The following CNKSR2 variants were observed in gnomAD, a reference collection of about 807,000 sequenced individuals.
CNKSR2 encodes the protein CNK homolog protein 2.
Under a neutral mutation model 84.4 loss-of-function variants are expected in CNKSR2, and 14 were observed. The observed-to-expected ratio is 0.17, with a 90% CI of 0.11 to 0.26. The LOEUF is 0.26. Ranked by LOEUF, CNKSR2 falls within the 10% of genes least tolerant of loss-of-function variation. The pLI is 1.00. For synonymous variants in CNKSR2, 275 were observed against 277.9 expected, an observed-to-expected ratio of 0.99 and a Z score of 0.10; for missense variants, 485 against 771.2, an observed-to-expected ratio of 0.63 and a Z score of 4.40.
At chrX:21,580,018 A>G (rs2092344222) in intron 13 of CNKSR2, among the ~76,000 whole-genome samples, 1 of 112,164 alleles carries the variant, frequency 8.9e-6, no homozygotes, top group South Asian at 3.7e-4. Context: ...TGCCATCTAA[A>G]TTGACAGCAT....
intron 10 of CNKSR2, among the ~76,000 whole-genome samples, chrX:21,530,812 A>T (rs2091879225): frequency 9.0e-6 from 1 of 111,038 alleles, no homozygotes; most frequent in Non-Finnish European, 1.9e-5. Flanking sequence ...TCAATTTAAC[A>T]AATCACAAAT....
chrX:21,512,205 A>G (rs2091679560), intron 8 of CNKSR2, among the ~76,000 whole-genome samples: 1 of 111,805 alleles, frequency 8.9e-6, no homozygotes, highest in Non-Finnish European at 1.9e-5. Context: ...TCTATTACAG[A>G]GGTTCTCAAA....
chrX:21,543,237 AGAAAATAGGATTCTACCCATGG>A (rs1569231813), intron 11 of CNKSR2, among the ~76,000 whole-genome samples: 1 of 112,595 alleles, frequency 8.9e-6, no homozygotes, highest in Non-Finnish European at 1.9e-5. Context: ...TGGAGACAAA[AGAAAATAGGATTCTACCCATGG>A]GAAATTTTTG....
intron 13 of CNKSR2, among the ~76,000 whole-genome samples, chrX:21,580,050 G>T (rs1416126063): frequency 8.9e-6 from 1 of 111,968 alleles, no homozygotes; most frequent in Non-Finnish European, 1.9e-5. Flanking sequence ...GATTCCTGCT[G>T]CAAGCGCAGA....
At chrX:21,538,351 T>C (rs2147135787) in intron 11 of CNKSR2, 1 of 112,084 alleles carries the variant, frequency 8.9e-6, no homozygotes, top group South Asian at 3.7e-4. Flanking sequence ...TTTTTCTTAC[T>C]GTTTTTAAAT....
chrX:21,498,441 G>C (rs1419564966), intron 7 of CNKSR2, among the ~76,000 whole-genome samples: 1 of 108,395 alleles, frequency 9.2e-6, no homozygotes, highest in Non-Finnish European at 1.9e-5. Context: ...GCATATTTGC[G>C]AACCACCATA....
Position 21,493,658 on chromosome X carries a change from G to C in CNKSR2, c.681+3080G>C, listed in dbSNP as rs1031166558. The C allele has an allele frequency of 3.6e-5, 4 of 111,907 alleles. No individual in the cohort carries two copies. In the Admixed American group the frequency reaches 3.8e-4, roughly 11 times the overall value. 9.2% of individuals were successfully genotyped at this position (111,907 alleles called of 1,213,427 possible). A position where few individuals can be genotyped will look rare whatever the true frequency, so the allele number is the denominator to read the frequency against. On this transcript the variant is annotated intron_variant, in intron 6 of 21. Transcript: ENST00000379510. ...CATTTGAATTACATGTCCTCCTGCT[G>C]TTTGGCCCTTTCTCAGAGGTGAACA...
At chrX:21,466,698 C>T (rs1291630022) in intron 4 of CNKSR2, among the ~76,000 whole-genome samples, 1 of 111,072 alleles carries the variant, frequency 9.0e-6, no homozygotes, top group East Asian at 2.8e-4. Flanking sequence ...GATTCTCCTA[C>T]CTCAGCCTTC....
In CNKSR2 at chrX:21,374,795, G is replaced by A; in HGVS notation, c.-103G>A. 2.8e-6 allele frequency: 2 copies of A among 717,922 alleles called. No homozygotes were observed. The highest frequency in any genetic ancestry group is 4.4e-6 in the Non-Finnish European group (2 of 449,491). 59.2% of individuals were successfully genotyped at this position (717,922 alleles called of 1,213,427 possible). A position where few individuals can be genotyped will look rare whatever the true frequency, so the allele number is the denominator to read the frequency against. On this transcript the variant is annotated 5_prime_UTR_variant, in exon 1 of 22. Coordinates refer to ENST00000379510, the MANE Select transcript of CNKSR2 (RefSeq NM_014927.5). ...CCGCTTTCTCCGCGCCGCCCGCCCA[G>A]GGAGGCTGCGGCCAGCAAGGGACCC...
chrX:21,583,645 T>C (rs1359733655), intron 13 of CNKSR2, among the ~76,000 whole-genome samples: 2 of 111,576 alleles, frequency 1.8e-5, no homozygotes, highest in Admixed American at 9.5e-5. Flanking sequence ...AACAAGAGAG[T>C]ACTTTGATTG....
intron 18 of CNKSR2, among the ~76,000 whole-genome samples, chrX:21,601,839 AAC>A (rs2092483974): frequency 8.9e-6 from 1 of 112,054 alleles, no homozygotes; most frequent in African/African-American, 3.2e-5. Context: ...AGATTTATGA[AAC>A]ACAGTGTTAT....
At chrX:21,528,730 A>G (rs1315454259) in intron 10 of CNKSR2, among the ~76,000 whole-genome samples, 1 of 111,447 alleles carries the variant, frequency 9.0e-6, no homozygotes, top group Non-Finnish European at 1.9e-5. Context: ...AGTGTTTACT[A>G]TATCACTGCA....
chrX:21,451,314 G>A (rs1301059487), intron 4 of CNKSR2, among the ~76,000 whole-genome samples: 6 of 111,109 alleles, frequency 5.4e-5, no homozygotes, highest in Non-Finnish European at 3.8e-5. Flanking sequence ...TCTAGAACTA[G>A]AAATACCATT....
At chrX:21,397,136 A>G (rs778596051) in intron 1 of CNKSR2, among the ~76,000 whole-genome samples, 1 of 111,568 alleles carries the variant, frequency 9.0e-6, no homozygotes, top group African/African-American at 3.2e-5. Context: ...CTATGACTCA[A>G]TGATTTTAAA....
At chrX:21,401,329 A>T (rs905904956) in intron 1 of CNKSR2, among the ~76,000 whole-genome samples, 1 of 111,885 alleles carries the variant, frequency 8.9e-6, no homozygotes, top group Non-Finnish European at 1.9e-5. Context: ...GTATTTTAAA[A>T]TTGGAAATAA....
At chrX:21,516,869 A>G (rs903639133) in intron 9 of CNKSR2, among the ~76,000 whole-genome samples, 3 of 111,647 alleles carry the variant, frequency 2.7e-5, no homozygotes, top group African/African-American at 9.8e-5. Context: ...CATTTAAAGC[A>G]TAATTCCAAA....
chrX:21,511,124 G>A (rs192820246), intron 8 of CNKSR2, among the ~76,000 whole-genome samples: 53 of 111,157 alleles, frequency 4.8e-4, no homozygotes, highest in African/African-American at 1.5e-3. Context: ...AATTTTTCCA[G>A]GACAAATAGG....
rs1378334019 is a variant in CNKSR2 at position 21,653,294 on chromosome X, G to C, written c.*773G>C. The stretch of plus-strand genomic sequence containing the variant: ...AGTGATGAGATGCTGATTGTGTACA[G>C]AAGAATTTGAGAGGGGATTTTTAAA... On this transcript the variant is annotated 3_prime_UTR_variant, in exon 22 of 22. Coordinates refer to ENST00000379510, the MANE Select transcript of CNKSR2 (RefSeq NM_014927.5). The C allele has an allele frequency of 9.0e-6, 1 of 110,581 alleles. No individual in the cohort carries two copies. Among genetic ancestry groups the C allele is most frequent in the Non-Finnish European group, 1.9e-5 (1 of 52,883 alleles). The allele number at this position is 110,581 out of a possible 1,213,427, so 9.1% of individuals were successfully genotyped here. A position where few individuals can be genotyped will look rare whatever the true frequency, so the allele number is the denominator to read the frequency against.
At chrX:21,578,911 C>T (rs1053030341) in intron 13 of CNKSR2, among the ~76,000 whole-genome samples, 1 of 111,548 alleles carries the variant, frequency 9.0e-6, no homozygotes, top group African/African-American at 3.3e-5. Flanking sequence ...CAAACTAGAA[C>T]CCATGAGCAC....
Sources: allele counts gnomAD v4.1 joint callset (sites outside exome capture counted in the v4.1 genomes callset), GRCh38; gene constraint gnomAD v4.1.1; transcripts MANE v1.5; gene names NCBI Gene and HGNC (gene_info 2026-07-23, HGNC 2026-07-21).